Variants in SLC35G2 observed in about 807,000 individuals in gnomAD.
The protein encoded by SLC35G2 is solute carrier family 35 member G2.
Under a neutral mutation model 27.2 loss-of-function variants are expected in SLC35G2, and 20 were observed. The observed-to-expected ratio is 0.74, with a 90% CI of 0.52 to 1.07. The LOEUF is 1.07. SLC35G2 is among the 50% of genes least tolerant of loss of function. The pLI, the probability that SLC35G2 is intolerant of heterozygous loss-of-function variation, is 0.00. For missense variants in SLC35G2, 416 were observed against 493.3 expected (o/e 0.84, Z 1.48); for synonymous variants, 148 against 165.3 (o/e 0.90, Z 0.80).
intron 1 of SLC35G2, chr3:136,843,271 C>T (rs370544723): frequency 3.1e-5 from 4 of 129,354 alleles, no homozygotes; most frequent in Non-Finnish European, 3.1e-5. Flanking sequence ...TGCAGTGAGC[C>T]GAGATCGCGC....
In SLC35G2 at chr3:136,833,589, C is replaced by T. The variant is rs553957389; in HGVS notation, c.-19+13961C>T. On this transcript the variant is annotated intron_variant, in intron 1 of 1. Transcript: ENST00000446465. ...AGCGGTTCCACTTCAGATCATCAGG[C>T]ATTAGAGTCTCATAAGGAACATGCA... 2.6e-5 allele frequency among the ~76,000 whole-genome samples: 4 copies of T among 152,204 alleles called. No homozygotes were observed. The East Asian group carries it at 7.7e-4, about 29-fold the overall frequency.
intron 1 of SLC35G2, among the ~76,000 whole-genome samples, chr3:136,830,104 CTTTTTTT>C (rs71134418): frequency 7.1e-4 from 63 of 88,794 alleles, no homozygotes; most frequent in Admixed American, 1.1e-3. Context: ...TACATTATTT[CTTTTTTT>C]TTTTTTTTTT....
intron 1 of SLC35G2, among the ~76,000 whole-genome samples, chr3:136,832,128 C>T (rs1319034651): frequency 4.6e-5 from 7 of 152,092 alleles, no homozygotes; most frequent in Non-Finnish European, 5.9e-5. Context: ...ATTCTCCTGC[C>T]TCAGCCTCCC....
intron 1 of SLC35G2, among the ~76,000 whole-genome samples, chr3:136,822,752 A>G (rs923016565): frequency 6.6e-6 from 1 of 152,240 alleles, no homozygotes; most frequent in African/African-American, 2.4e-5. Context: ...GTTGTTGCAC[A>G]TAACAGGATC....
chr3:136,845,656 C>T (rs929076044), intron 1 of SLC35G2, among the ~76,000 whole-genome samples: 3 of 150,376 alleles, frequency 2.0e-5, no homozygotes, highest in African/African-American at 2.4e-5. Context: ...GAGTCAGTGG[C>T]GCGATCTCGG....
chr3:136,827,257 G>A (rs796126622), intron 1 of SLC35G2, among the ~76,000 whole-genome samples: 13 of 150,772 alleles, frequency 8.6e-5, no homozygotes, highest in African/African-American at 3.2e-4. Flanking sequence ...CTGTCATGCA[G>A]GCCGGAGCAC....
chr3:136,852,471 GA>G (rs1052380615), intron 1 of SLC35G2, among the ~76,000 whole-genome samples: 2 of 148,830 alleles, frequency 1.3e-5, no homozygotes, highest in Non-Finnish European at 3.0e-5. Context: ...TCACGAGGAA[GA>G]AAAAAAAAGA....
Position 136,831,985 on chromosome 3 carries a change from T to C in SLC35G2, c.-19+12357T>C, listed in dbSNP as rs564345597. Among the ~76,000 whole-genome samples the C allele has an allele frequency of 7.3e-5, 11 of 151,516 alleles. No homozygotes were observed. The South Asian group carries it at 2.3e-3, about 32-fold the overall frequency. On this transcript the variant is annotated intron_variant, in intron 1 of 1. Transcript: ENST00000446465. ...TCTCAGGGGTTAACAAACTGTAAACTCTTTGTGTCTTCTGCATTTGTGTGA... is the reference window on the plus strand; with the variant it reads ...TCTCAGGGGTTAACAAACTGTAAACCCTTTGTGTCTTCTGCATTTGTGTGA...
At chr3:136,845,632 C>A (rs1937336899) in intron 1 of SLC35G2, among the ~76,000 whole-genome samples, 1 of 150,308 alleles carries the variant, frequency 6.7e-6, no homozygotes, top group South Asian at 2.1e-4. Context: ...GAGTCTCGCT[C>A]TGTCGCCAGG....
intron 1 of SLC35G2, among the ~76,000 whole-genome samples, chr3:136,836,771 CTG>C (rs1255582926): frequency 2.0e-5 from 3 of 152,204 alleles, no homozygotes; most frequent in Non-Finnish European, 4.4e-5. Context: ...AAATATCACA[CTG>C]TGTTTTATCA....
intron 1 of SLC35G2, among the ~76,000 whole-genome samples, chr3:136,849,728 A>G (rs965308529): frequency 6.6e-6 from 1 of 151,486 alleles, no homozygotes; most frequent in African/African-American, 2.4e-5. Flanking sequence ...CCTGACCTCA[A>G]GTGATCCGCC....
intron 1 of SLC35G2, among the ~76,000 whole-genome samples, chr3:136,825,687 A>T (rs1370484147): frequency 6.6e-6 from 1 of 152,158 alleles, no homozygotes; most frequent in East Asian, 1.9e-4. Context: ...TATTCTGTTG[A>T]TATAATTTAT....
intron 1 of SLC35G2, among the ~76,000 whole-genome samples, chr3:136,828,108 T>G (rs1185689129): frequency 6.6e-6 from 1 of 152,254 alleles, no homozygotes. Context: ...ATTACAGGCG[T>G]GAGCCACCGC....
intron 1 of SLC35G2, among the ~76,000 whole-genome samples, chr3:136,853,665 A>T (rs1937792355): frequency 6.6e-6 from 1 of 152,154 alleles, no homozygotes; most frequent in Non-Finnish European, 1.5e-5. Context: ...TGGCATCTTT[A>T]TATAATTTCT....
chr3:136,833,993 T>G (rs1936800485), intron 1 of SLC35G2, among the ~76,000 whole-genome samples: 1 of 151,858 alleles, frequency 6.6e-6, no homozygotes. Flanking sequence ...ACAATAGCAT[T>G]GTACATGATT....
Position 136,830,075 on chromosome 3 carries a change from T to C in SLC35G2, c.-19+10447T>C, listed in dbSNP as rs182489616. On this transcript the variant is annotated intron_variant, in intron 1 of 1. Coordinates refer to ENST00000446465, the MANE Select transcript of SLC35G2 (RefSeq NM_025246.3). ...TCTGAGATTTGCCCTTTTGAGGCTG[T>C]TTCTAGATTTTTTAGACATACATTA... is the stretch of plus-strand genomic sequence containing the variant. Among the ~76,000 whole-genome samples the C allele has an allele frequency of 2.3e-3, 352 of 151,542 alleles. 1 individual carries two copies. Among genetic ancestry groups the C allele is most frequent in the African/African-American group, 7.4e-3 (306 of 41,406 alleles).
chr3:136,848,985 G>A (rs1380314055), intron 1 of SLC35G2, among the ~76,000 whole-genome samples: 1 of 152,012 alleles, frequency 6.6e-6, no homozygotes, highest in Admixed American at 6.5e-5. Context: ...TTCAAGACCA[G>A]CCTGACCAGC....
intron 1 of SLC35G2, among the ~76,000 whole-genome samples, chr3:136,847,112 G>A (rs1050098625): frequency 6.6e-6 from 1 of 152,142 alleles, no homozygotes; most frequent in African/African-American, 2.4e-5. Flanking sequence ...GGGAGGTGGA[G>A]GTTGCAGTGA....
At chr3:136,827,122 AC>A (rs1296124928) in intron 1 of SLC35G2, among the ~76,000 whole-genome samples, 4 of 150,278 alleles carry the variant, frequency 2.7e-5, no homozygotes, top group Non-Finnish European at 4.4e-5. Flanking sequence ...TTTTAAAAAA[AC>A]CCAACTTTTT....
Sources: gnomAD v4.1 joint callset for allele counts (sites outside exome capture counted in the v4.1 genomes callset) on GRCh38, gnomAD v4.1.1 for gene constraint, MANE v1.5 for transcripts, NCBI Gene and HGNC (gene_info 2026-07-23, HGNC 2026-07-21) for gene names.